The following MTUS2 variants were observed in gnomAD, a reference collection of about 807,000 sequenced individuals.
MTUS2 encodes the protein microtubule-associated tumor suppressor candidate 2.
A neutral mutation model predicts 114.1 loss-of-function variants in MTUS2; 40 were observed. The ratio of observed to expected loss-of-function variants is 0.35; its 90% CI spans 0.27 to 0.46. MTUS2 has a LOEUF of 0.46. MTUS2 is among the 20% of genes least tolerant of loss of function. MTUS2 has a pLI of 1.00. For missense variants in MTUS2, 1,679 were observed against 1,705.4 expected, an observed-to-expected ratio of 0.98 and a Z score of 0.27; for synonymous variants, 688 against 672.0, an observed-to-expected ratio of 1.02 and a Z score of -0.37.
At chr13:29,285,981 A>G (rs1408676822) in intron 6 of MTUS2, among the ~76,000 whole-genome samples, 1 of 152,208 alleles carries the variant, frequency 6.6e-6, no homozygotes, top group Non-Finnish European at 1.5e-5. Flanking sequence ...GCTGGAATGC[A>G]GTGGCGTGAT....
chr13:29,422,422 G>A (rs1876173718), intron 8 of MTUS2, among the ~76,000 whole-genome samples: 1 of 152,142 alleles, frequency 6.6e-6, no homozygotes, highest in Admixed American at 6.5e-5. Context: ...ATCTGTTGTC[G>A]ATCAGGTAGG....
intron 10 of MTUS2, among the ~76,000 whole-genome samples, chr13:29,485,948 G>A (rs936016646): frequency 2.6e-5 from 4 of 151,930 alleles, no homozygotes; most frequent in Non-Finnish European, 5.9e-5. Flanking sequence ...GGAAGCGGGG[G>A]CCTGTGTTTT....
chr13:29,336,462 C>G (rs754069780), intron 7 of MTUS2, among the ~76,000 whole-genome samples: 2 of 152,194 alleles, frequency 1.3e-5, no homozygotes, highest in Non-Finnish European at 2.9e-5. Flanking sequence ...CTGGGTATCA[C>G]GAGCGGAGGC....
chr13:29,500,232 G>T (rs1313847016), intron 14 of MTUS2, among the ~76,000 whole-genome samples: 1 of 152,228 alleles, frequency 6.6e-6, no homozygotes, highest in African/African-American at 2.4e-5. Flanking sequence ...GGGAGCAAAA[G>T]TGAGGGCTGG....
At chr13:29,077,781 G>T (rs1889260902) in intron 4 of MTUS2, among the ~76,000 whole-genome samples, 1 of 152,112 alleles carries the variant, frequency 6.6e-6, no homozygotes, top group Admixed American at 6.6e-5. Flanking sequence ...CTTCTTTACT[G>T]GTTGCCTGGA....
At chr13:29,160,650 G>A (rs1046172765) in intron 5 of MTUS2, among the ~76,000 whole-genome samples, 1 of 151,966 alleles carries the variant, frequency 6.6e-6, no homozygotes, top group East Asian at 1.9e-4. Context: ...GATGCCTGTA[G>A]TCCCAGCTAC....
intron 8 of MTUS2, among the ~76,000 whole-genome samples, chr13:29,389,911 A>G (rs1363768865): frequency 6.6e-5 from 6 of 91,140 alleles, no homozygotes; most frequent in African/African-American, 2.3e-4. Flanking sequence ...ACATATGTGT[A>G]TATATGTATG....
At chr13:29,440,166 A>T in intron 9 of MTUS2, 117 bp downstream of exon 9, 1 of 955,750 alleles carries the variant, frequency 1.0e-6, no homozygotes. Context: ...GCCTAGATGA[A>T]TGAAGTATCT....
At chr13:29,251,363 T>C (rs915653300) in intron 5 of MTUS2, among the ~76,000 whole-genome samples, 2 of 152,176 alleles carry the variant, frequency 1.3e-5, no homozygotes, top group African/African-American at 4.8e-5. Flanking sequence ...TAAACCATTT[T>C]TAAAACTTAC....
At chr13:28,857,508 A>T (rs909155555) in intron 2 of MTUS2, among the ~76,000 whole-genome samples, 10 of 152,198 alleles carry the variant, frequency 6.6e-5, no homozygotes, top group Non-Finnish European at 1.3e-4. Context: ...TCATATCAAG[A>T]GGCAGCAAGT....
chr13:29,269,021 C>T (rs947953031), intron 5 of MTUS2, among the ~76,000 whole-genome samples: 4 of 152,074 alleles, frequency 2.6e-5, no homozygotes, highest in African/African-American at 7.3e-5. Context: ...ATTGTCTATC[C>T]CCAACTACAA....
Position 29,398,690 on chromosome 13 carries a change from C to T in MTUS2, c.3117+39217C>T, listed in dbSNP as rs3125718. ...CTCCTAGAGGAATGGATTCTCAAAC[C>T]AGACCTCAAAGGTTTCCCACACATA... On this transcript the variant is annotated intron_variant, in intron 8 of 15. Coordinates refer to ENST00000612955, the MANE Select transcript of MTUS2 (RefSeq NM_001033602.4). Among the ~76,000 whole-genome samples the T allele has an allele frequency of 4.2e-3, 632 of 152,082 alleles. 5 individuals are homozygous for T. Among genetic ancestry groups the T allele is most frequent in the African/African-American group, 0.014 (593 of 41,478 alleles).
chr13:29,484,653 G>C (rs1001044656), intron 10 of MTUS2, among the ~76,000 whole-genome samples: 6 of 152,238 alleles, frequency 3.9e-5, no homozygotes, highest in African/African-American at 1.2e-4. Context: ...GCGTGGGAGA[G>C]AGTGGGCCTG....
At chr13:29,149,822 G>T (rs1892595770) in intron 5 of MTUS2, among the ~76,000 whole-genome samples, 1 of 152,150 alleles carries the variant, frequency 6.6e-6, no homozygotes, top group Non-Finnish European at 1.5e-5. Flanking sequence ...TCAGATGGTT[G>T]TAGGTGTGGG....
chr13:29,121,689 T>G (rs1207147445), intron 5 of MTUS2, among the ~76,000 whole-genome samples: 1 of 151,142 alleles, frequency 6.6e-6, no homozygotes, highest in African/African-American at 2.4e-5. Context: ...AGAGCTTTGC[T>G]CTTGTTACCC....
chr13:28,991,615 G>C (rs9508216), intron 2 of MTUS2, among the ~76,000 whole-genome samples: 7,442 of 152,234 alleles, frequency 0.049, 272 homozygotes, highest in Non-Finnish European at 0.072. Context: ...TGATCTGCCT[G>C]TCTCGGCCTC....
intron 2 of MTUS2, among the ~76,000 whole-genome samples, chr13:28,900,436 C>T (rs1170384944): frequency 6.6e-6 from 1 of 152,136 alleles, no homozygotes; most frequent in Non-Finnish European, 1.5e-5. Context: ...GACACTGTTC[C>T]CCCAACCTGC....
chr13:29,151,877 A>G (rs554640984), intron 5 of MTUS2, among the ~76,000 whole-genome samples: 1 of 152,074 alleles, frequency 6.6e-6, no homozygotes, highest in African/African-American at 2.4e-5. Context: ...ATCCCAGGAG[A>G]AAAGACTCTT....
chr13:29,479,835 C>T (rs2138891636), intron 9 of MTUS2, among the ~76,000 whole-genome samples: 1 of 152,276 alleles, frequency 6.6e-6, no homozygotes, highest in South Asian at 2.1e-4. Context: ...GACCACGGAC[C>T]TTGTGACAAC....
Sources: allele counts gnomAD v4.1 joint callset (sites outside exome capture counted in the v4.1 genomes callset), GRCh38; gene constraint gnomAD v4.1.1; transcripts MANE v1.5; gene names NCBI Gene and HGNC (gene_info 2026-07-23, HGNC 2026-07-21).